NFU1: variants seen among roughly 807,000 people sequenced by gnomAD.
The protein encoded by NFU1 is NFU1 iron-sulfur cluster scaffold homolog, mitochondrial.
NFU1 carries 30 observed loss-of-function variants against 32.2 expected under a neutral mutation model. The ratio of observed to expected loss-of-function variants is 0.93; its 90% CI spans 0.70 to 1.26. NFU1 has a LOEUF of 1.26. Ranked by LOEUF, NFU1 falls within the 50% of genes most tolerant of loss-of-function variation. NFU1 has a pLI of 0.00. For synonymous variants in NFU1, 112 were observed against 104.6 expected (o/e 1.07, Z -0.43); for missense variants, 306 against 306.6 (o/e 1.00, Z 0.02).
intron 5 of NFU1, among the ~76,000 whole-genome samples, chr2:69,412,710 T>C (rs1459659078): frequency 6.6e-6 from 1 of 151,972 alleles, no homozygotes; most frequent in Non-Finnish European, 1.5e-5. Context: ...ATAAAAACAT[T>C]AACCAGGCAT....
chr2:69,400,284 A>C (rs1672477437), intron 7 of NFU1, 80 bp downstream of exon 7: 1 of 1,272,158 alleles, frequency 7.9e-7, no homozygotes. Flanking sequence ...ACTTGCCTTA[A>C]CATCTATTTC....
At chr2:69,421,473 T>C (rs1480394257) in intron 3 of NFU1, among the ~76,000 whole-genome samples, 2 of 151,784 alleles carry the variant, frequency 1.3e-5, no homozygotes, top group African/African-American at 2.4e-5. Context: ...TTTCAACTGA[T>C]GCTGACTGAC....
intron 1 of NFU1, among the ~76,000 whole-genome samples, chr2:69,434,197 T>G (rs1193495212): frequency 6.6e-6 from 1 of 150,526 alleles, no homozygotes; most frequent in Non-Finnish European, 1.5e-5. Context: ...CAGGATGGAG[T>G]GCAGTGGTGC....
chr2:69,426,178 G>A (rs1165826486), intron 2 of NFU1, among the ~76,000 whole-genome samples: 1 of 152,080 alleles, frequency 6.6e-6, no homozygotes, highest in Non-Finnish European at 1.5e-5. Flanking sequence ...CATCATGTTG[G>A]CCAGGCTGGT....
intron 5 of NFU1, among the ~76,000 whole-genome samples, chr2:69,406,930 C>T (rs931726044): frequency 6.6e-5 from 10 of 152,076 alleles, no homozygotes; most frequent in Admixed American, 5.2e-4. Flanking sequence ...TGAGTTCTCA[C>T]GAGATCTGAT....
intron 4 of NFU1, among the ~76,000 whole-genome samples, chr2:69,418,113 T>TC (rs1553400128): frequency 2.6e-5 from 4 of 151,930 alleles, no homozygotes; most frequent in African/African-American, 9.7e-5. Context: ...AACTGAAGAA[T>TC]GGGGGGCTGG....
In NFU1 at chr2:69,400,019, T is replaced by C. The variant is rs538363119; in HGVS notation, c.720+345A>G. 7.2e-4 allele frequency among the ~76,000 whole-genome samples: 110 copies of C among 152,210 alleles called. 1 individual carries two copies. The highest frequency in any genetic ancestry group is 2.6e-3 in the African/African-American group (106 of 41,528). On this transcript the variant is annotated intron_variant, in intron 7 of 7. Coordinates refer to ENST00000410022, the MANE Select transcript of NFU1 (RefSeq NM_001002755.4). ...TCCCAAGTAGCTGGGATTACAGGCGTCTGCCACCATGCCCAGCTAATTTTG... is the reference window on the plus strand; with the variant it reads ...TCCCAAGTAGCTGGGATTACAGGCGCCTGCCACCATGCCCAGCTAATTTTG...
At chr2:69,437,187 A>G (rs1673871639) in intron 1 of NFU1, 174 bp downstream of exon 1, 2 of 1,390,518 alleles carry the variant, frequency 1.4e-6, no homozygotes, top group Non-Finnish European at 9.5e-7. Flanking sequence ...AGAAGCGCCG[A>G]GCTCCCGCAC....
upstream of NFU1, among the ~76,000 whole-genome samples, chr2:69,438,522 G>A (rs1673935029): frequency 6.6e-6 from 1 of 152,046 alleles, no homozygotes; most frequent in Non-Finnish European, 1.5e-5. Flanking sequence ...CCTCTCACCT[G>A]GGCCTCCAAA....
chr2:69,427,839 G>T (rs1054979361), intron 2 of NFU1, among the ~76,000 whole-genome samples: 2 of 150,432 alleles, frequency 1.3e-5, no homozygotes, highest in African/African-American at 4.9e-5. Context: ...TAGAGGTAGG[G>T]TTATTTTGTA....
intron 5 of NFU1, among the ~76,000 whole-genome samples, chr2:69,408,861 CTTTTTTTT>C (rs1173785443): frequency 1.5e-5 from 1 of 67,760 alleles, no homozygotes; most frequent in African/African-American, 5.9e-5. Context: ...CAGGCTTGTG[CTTTTTTTT>C]TTTTTTTTTT....
upstream of NFU1, among the ~76,000 whole-genome samples, chr2:69,438,746 G>T (rs1057004011): frequency 1.3e-5 from 2 of 152,038 alleles, no homozygotes; most frequent in African/African-American, 4.8e-5. Flanking sequence ...AGGGTGGGTG[G>T]GTTTCAGGCC....
At position 69,431,974 on chromosome 2, in the gene NFU1, T is replaced by C. The variant is rs1673654390; in HGVS notation, c.94A>G (p.Ile32Val). ...FCHMLKNPYT[I>V]KKQPLHQFVQ... is the part of the protein sequence containing the mutation. ...AACTGATGCAGAGGCTGTTTCTTAA[T>C]GGTGTATGGATTCTTCAACATATGA... Residue 32 changes from isoleucine to valine, a missense_variant, in exon 2 of 8, where the codon ATT (isoleucine) becomes GTT (valine). Physicochemically the swap from Ile to Val is conservative, Grantham distance 29. Transcript: ENST00000410022. 6.2e-7 allele frequency: 1 copy of C among 1,613,268 alleles called. No individual in the cohort carries two copies.
chr2:69,407,704 A>G (rs1481538927), intron 5 of NFU1, among the ~76,000 whole-genome samples: 1 of 147,082 alleles, frequency 6.8e-6, no homozygotes, highest in Non-Finnish European at 1.5e-5. Context: ...AAAGAAAAAG[A>G]AAAAAAGGAA....
At chr2:69,422,288 G>C (rs1302436190) in intron 3 of NFU1, among the ~76,000 whole-genome samples, 1 of 152,134 alleles carries the variant, frequency 6.6e-6, no homozygotes, top group Non-Finnish European at 1.5e-5. Context: ...ATTTAAAACT[G>C]ATGAATTGTT....
intron 4 of NFU1, among the ~76,000 whole-genome samples, chr2:69,418,798 G>A (rs945728650): frequency 5.9e-5 from 9 of 152,138 alleles, no homozygotes; most frequent in African/African-American, 2.2e-4. Flanking sequence ...AGGACATAAA[G>A]AGCTCAGACT....
At chr2:69,437,981 G>A (rs537082477), upstream of NFU1, among the ~76,000 whole-genome samples, 1 of 152,310 alleles carries the variant, frequency 6.6e-6, no homozygotes, top group Non-Finnish European at 1.5e-5. Context: ...GATGTATCTG[G>A]TACAGTGCTG....
At chr2:69,418,998 T>C (rs1318054832) in intron 4 of NFU1, among the ~76,000 whole-genome samples, 1 of 152,160 alleles carries the variant, frequency 6.6e-6, no homozygotes, top group Non-Finnish European at 1.5e-5. Flanking sequence ...TTCTAGCAGA[T>C]ACTGCCTTGA....
At chr2:69,434,958 G>A (rs1162884936) in intron 1 of NFU1, among the ~76,000 whole-genome samples, 1 of 152,132 alleles carries the variant, frequency 6.6e-6, no homozygotes, top group Non-Finnish European at 1.5e-5. Flanking sequence ...GTTTGTGGGC[G>A]GGGCCACAGG....
Sources: allele counts gnomAD v4.1 joint callset (sites outside exome capture counted in the v4.1 genomes callset), GRCh38; gene constraint gnomAD v4.1.1; transcripts MANE v1.5; gene names NCBI Gene and HGNC (gene_info 2026-07-23, HGNC 2026-07-21).